The following M1AP variants were observed in gnomAD, a reference collection of about 807,000 sequenced individuals.
M1AP encodes meiosis 1 associated protein.
A neutral mutation model predicts 51.2 loss-of-function variants in M1AP; 39 were observed. The observed-to-expected ratio is 0.76, with a 90% CI of 0.59 to 1.00. The LOEUF is 1.00. Among genes scored for constraint, M1AP ranks in the 50% least tolerant of loss-of-function variants. The probability of loss-of-function intolerance (pLI) is 0.00; values close to 1 mark genes in which losing one functional copy is unlikely to be tolerated. For missense variants in M1AP, 545 were observed against 641.2 expected, an observed-to-expected ratio of 0.85 and a Z score of 1.62; for synonymous variants, 251 against 249.2, an observed-to-expected ratio of 1.01 and a Z score of -0.07.
Position 74,560,150 on chromosome 2 carries a change from C to T in M1AP, c.1422+1G>A. 1.2e-6 allele frequency: 2 copies of T among 1,613,420 alleles called. No homozygotes were observed. Among genetic ancestry groups the T allele is most frequent in the Non-Finnish European group, 1.7e-6 (2 of 1,179,874 alleles). ...AGAGGAGGGAAGGAGGGGAGCGGTA[C>T]CTTTCTCGGAGCTCGGCTCTCCCAG... is the stretch of plus-strand genomic sequence containing the variant. On this transcript the variant is annotated splice_donor_variant, in intron 9 of 10. Transcript: ENST00000421985. LOFTEE classifies it high-confidence loss of function.
rs866246261 is a variant in M1AP, at chr2:74,623,674, C to T, written c.241-8525G>A. On this transcript the variant is annotated intron_variant, in intron 2 of 10. Transcript: ENST00000421985. ...TTAACTTATGTTTTATTTAATTAAACTAATTAATTTTTTTTGAGACAGGGT... is the reference window on the plus strand; with the variant it reads ...TTAACTTATGTTTTATTTAATTAAATTAATTAATTTTTTTTGAGACAGGGT... Among the ~76,000 whole-genome samples, 11 of 152,178 alleles carry T rather than the reference C, an allele frequency of 7.2e-5. 1 individual carries two copies. The South Asian group carries it at 2.3e-3, about 32-fold the overall frequency.
chr2:74,611,963 G>A (rs1177066556), intron 3 of M1AP, among the ~76,000 whole-genome samples: 6 of 108,986 alleles, frequency 5.5e-5, no homozygotes, highest in Non-Finnish European at 8.4e-5. Flanking sequence ...GCGCGATCTC[G>A]GCTCACTGCA....
At chr2:74,598,381 CAATA>C (rs112411965) in intron 4 of M1AP, among the ~76,000 whole-genome samples, 66 of 149,278 alleles carry the variant, frequency 4.4e-4, no homozygotes, top group Admixed American at 6.6e-4. Flanking sequence ...GACTCCATGT[CAATA>C]AATAAATAAA....
chr2:74,590,787 G>T (rs895902398), intron 4 of M1AP, among the ~76,000 whole-genome samples: 3 of 152,284 alleles, frequency 2.0e-5, no homozygotes, highest in African/African-American at 4.8e-5. Context: ...GTTATTGCAG[G>T]TACGGGAGAG....
intron 2 of M1AP, among the ~76,000 whole-genome samples, chr2:74,618,280 C>G (rs1481074513): frequency 3.9e-5 from 6 of 152,216 alleles, no homozygotes; most frequent in Non-Finnish European, 8.8e-5. Flanking sequence ...CACATGCAGA[C>G]AGTTCACCCC....
chr2:74,581,952 A>C, intron 4 of M1AP, 105 bp from the exon 5 acceptor site: 1 of 1,016,750 alleles, frequency 9.8e-7, no homozygotes. Context: ...GGGTCTCATT[A>C]TGTCACCCAG....
chr2:74,561,969 T>C (rs1477151831), intron 8 of M1AP: 2 of 985,234 alleles, frequency 2.0e-6, no homozygotes, highest in African/African-American at 1.7e-5. Context: ...ATCCCTTTTC[T>C]CTCCCAGTTT....
At chr2:74,624,938 G>T (rs1340513491) in intron 2 of M1AP, among the ~76,000 whole-genome samples, 7 of 152,138 alleles carry the variant, frequency 4.6e-5, no homozygotes, top group African/African-American at 1.7e-4. Context: ...TTGTACATGT[G>T]TAAATATATA....
chr2:74,601,211 G>T (rs1680653554), intron 4 of M1AP, among the ~76,000 whole-genome samples: 1 of 151,972 alleles, frequency 6.6e-6, no homozygotes, highest in African/African-American at 2.4e-5. Flanking sequence ...AACCCAAAAG[G>T]ATAGTTAAAT....
At chr2:74,571,240 T>C (rs1177911427) in intron 7 of M1AP, among the ~76,000 whole-genome samples, 1 of 151,774 alleles carries the variant, frequency 6.6e-6, no homozygotes, top group Non-Finnish European at 1.5e-5. Context: ...ATGTTATGAG[T>C]GGAAAATTGA....
At chr2:74,599,562 T>C (rs553661905) in intron 4 of M1AP, among the ~76,000 whole-genome samples, 4 of 152,312 alleles carry the variant, frequency 2.6e-5, no homozygotes, top group African/African-American at 9.6e-5. Context: ...TATCAAGTTT[T>C]CATGTGGCTG....
intron 7 of M1AP, among the ~76,000 whole-genome samples, chr2:74,574,180 C>G (rs1351837921): frequency 6.6e-6 from 1 of 152,210 alleles, no homozygotes; most frequent in Non-Finnish European, 1.5e-5. Flanking sequence ...TAAGTCAAAC[C>G]TTTATTCTAT....
rs563168936 is a variant in M1AP at position 74,596,974 on chromosome 2, G to T, written c.595+10081C>A. On this transcript the variant is annotated intron_variant, in intron 4 of 10. Coordinates refer to ENST00000421985, the MANE Select transcript of M1AP (RefSeq NM_001321739.2). Reference sequence around the variant, plus strand: ...GCTGGAGGGATGGATGGAGTGTAAAGGGGAAAGAAAAATCTTTTTTGAGGA... The same window carrying T: ...GCTGGAGGGATGGATGGAGTGTAAATGGGAAAGAAAAATCTTTTTTGAGGA... Among the ~76,000 whole-genome samples, 10 of 152,278 alleles carry T rather than the reference G, an allele frequency of 6.6e-5. 1 individual carries two copies. In the South Asian group the frequency reaches 2.1e-3, roughly 32 times the overall value.
intron 2 of M1AP, among the ~76,000 whole-genome samples, chr2:74,622,056 G>A (rs1227590783): frequency 6.7e-6 from 1 of 149,044 alleles, no homozygotes; most frequent in Non-Finnish European, 1.5e-5. Context: ...GGAGGCAGAG[G>A]ATGCAGTGAG....
chr2:74,622,829 T>C (rs2104772667), intron 2 of M1AP, among the ~76,000 whole-genome samples: 1 of 150,906 alleles, frequency 6.6e-6, no homozygotes, highest in South Asian at 2.1e-4. Context: ...ATATGCACGA[T>C]GAGAGGGAGA....
intron 5 of M1AP, among the ~76,000 whole-genome samples, chr2:74,578,103 G>A (rs1436423170): frequency 6.6e-6 from 1 of 152,176 alleles, no homozygotes; most frequent in Non-Finnish European, 1.5e-5. Context: ...AGCTCAGATG[G>A]TAATGCTTGC....
intron 4 of M1AP, among the ~76,000 whole-genome samples, chr2:74,602,415 TTAA>T (rs939763358): frequency 2.0e-5 from 3 of 152,288 alleles, no homozygotes; most frequent in African/African-American, 7.2e-5. Flanking sequence ...TTCAAAAATA[TTAA>T]TAATAAGTAT....
rs1436023745 is a variant in M1AP, at chr2:74,643,768, GT to G, written c.-52-3442del. On this transcript the variant is annotated intron_variant, in intron 1 of 10. Transcript: ENST00000421985. ...ACCACAATGCCTCTCTAATTTGTGT[GT>G]TTTTTTGGTAGAGACAGGGTTTTGC... Among the ~76,000 whole-genome samples, 3 of 151,832 alleles carry G rather than the reference GT, an allele frequency of 2.0e-5. 1 individual carries two copies. The highest frequency in any genetic ancestry group is 3.4e-3 in the Middle Eastern group (1 of 294).
intron 2 of M1AP, among the ~76,000 whole-genome samples, chr2:74,618,005 T>C (rs1681772881): frequency 6.6e-6 from 1 of 152,178 alleles, no homozygotes; most frequent in Non-Finnish European, 1.5e-5. Flanking sequence ...ATTTTAAAGG[T>C]AACAGCAAAC....
Sources: gnomAD v4.1 joint callset for allele counts (sites outside exome capture counted in the v4.1 genomes callset) on GRCh38, gnomAD v4.1.1 for gene constraint, MANE v1.5 for transcripts, NCBI Gene and HGNC (gene_info 2026-07-23, HGNC 2026-07-21) for gene names.